The following AP1G2 variants were observed in gnomAD, a reference collection of about 807,000 sequenced individuals.
AP1G2 encodes the protein adaptor related protein complex 1 subunit gamma 2.
Under a neutral mutation model 95.8 loss-of-function variants are expected in AP1G2, and 85 were observed. The observed-to-expected ratio is 0.89, with a 90% confidence interval of 0.74 to 1.06. The LOEUF is 1.06. Among genes scored for constraint, AP1G2 ranks in the 50% least tolerant of loss-of-function variants. The pLI, the probability that AP1G2 is intolerant of heterozygous loss-of-function variation, is 0.00. For synonymous variants in AP1G2, 378 were observed against 400.0 expected (o/e 0.94, Z 0.66); for missense variants, 967 against 1,005.8 (o/e 0.96, Z 0.52).
Position 23,564,404 on chromosome 14 carries a change from G to A in AP1G2, c.922-16C>T. On this transcript the variant is annotated splice_polypyrimidine_tract_variant and intron_variant, in intron 9 of 21. Coordinates refer to ENST00000397120, the MANE Select transcript of AP1G2 (RefSeq NM_003917.5). ...CAGCTAGAACCTATGAGAGGCAGAA[G>A]TTGGGGTCAGTCGGAAAGGAGCAAC... 2 of 1,614,176 alleles carry A rather than the reference G, an allele frequency of 1.2e-6. No individual in the cohort carries two copies. Among genetic ancestry groups the A allele is most frequent in the South Asian group, 1.1e-5 (1 of 91,080 alleles).
rs562310960 is a variant in AP1G2, at chr14:23,562,300, C to T, written c.1616G>A (p.Cys539Tyr). ...GACCCCTTCTTACTTGTTGTCCCCA[C>T]AGAGGCGAGTGCTGAGCTTCATGAG... ...TALMKLSTRL[C>Y]GDNNRIRQVV... The change falls in exon 16 of 22, where the codon TGT becomes TAT. Residue 539 changes from cysteine (C) to tyrosine (Y), a missense_variant. Transcript: ENST00000397120. 19 of 1,614,202 alleles carry T rather than the reference C, an allele frequency of 1.2e-5. No homozygotes were observed. In the African/African-American group the frequency reaches 1.6e-4, roughly 14 times the overall value.
chr14:23,564,226 G>T (rs1886601384), intron 10 of AP1G2, 67 bp from the exon 11 acceptor site: 2 of 1,612,334 alleles, frequency 1.2e-6, no homozygotes, highest in Non-Finnish European at 1.7e-6. Context: ...CCTGTCCTGG[G>T]TATAGGGATA....
intron 7 of AP1G2, 28 bp downstream of exon 7, chr14:23,565,578 G>A (rs572571671): frequency 1.3e-6 from 2 of 1,566,550 alleles, no homozygotes; most frequent in South Asian, 2.2e-5. Flanking sequence ...CTCTGATCCA[G>A]GGATACAGCA....
chr14:23,566,102 A>G lies in AP1G2; in HGVS notation c.530T>C (p.Leu177Pro). The G allele has an allele frequency of 6.2e-7, 1 of 1,613,842 alleles. No homozygotes were observed. The highest frequency in any genetic ancestry group is 2.2e-5 in the East Asian group (1 of 44,890). Residue 177 changes from leucine (L) to proline (P), a missense_variant, in exon 5 of 22, where the codon CTC (leucine) becomes CCC (proline). Coordinates refer to ENST00000397120, the MANE Select transcript of AP1G2 (RefSeq NM_003917.5). Reference protein sequence around the residue: ...RKVPELSSVFLPPCAQLLHER... With the variant: ...RKVPELSSVFPPPCAQLLHER... ...ATGAAGCAGTTGGGCACAGGGTGGG[A>G]GGAAGACACTGGAGAGTTCAGGGAC...
chr14:23,564,727 G>A (rs1595344793), intron 8 of AP1G2, 67 bp from the exon 9 acceptor site: 1 of 1,433,270 alleles, frequency 7.0e-7, no homozygotes, highest in Non-Finnish European at 9.8e-7. Flanking sequence ...TTTGATACAG[G>A]GTCTCACTCT....
At chr14:23,566,474 A>G in intron 3 of AP1G2, 55 bp from the exon 4 acceptor site, 2 of 1,607,574 alleles carry the variant, frequency 1.2e-6, no homozygotes, top group Non-Finnish European at 1.7e-6. Flanking sequence ...AGTCCTTTTC[A>G]ATACCCACAA....
At position 23,567,187 on chromosome 14, in the gene AP1G2, T is replaced by C. The variant is rs1888466197; in HGVS notation, c.128A>G (p.Asp43Gly). 1 of 1,613,016 alleles carries C rather than the reference T, an allele frequency of 6.2e-7. No homozygotes were observed. Among genetic ancestry groups the C allele is most frequent in the Non-Finnish European group, 8.5e-7 (1 of 1,179,406 alleles). Residue 43 changes from aspartate to glycine, a missense_variant, in exon 2 of 22, where the codon GAC becomes GGC. Physicochemically the swap from Asp to Gly is moderately conservative, Grantham distance 94 (BLOSUM62 -1). Coordinates refer to ENST00000397120, the MANE Select transcript of AP1G2 (RefSeq NM_003917.5). This position sits in a 1 kb window ranked among gnomAD's most constrained non-coding sequence, Gnocchi z 5.3. ...CAGCTGCCGGTGCCTGTGCACTGGG[T>C]CCCCGTCGCGGAAGGAGGCCCGGAT... ...AHIRASFRDGDPVHRHRQLAK... is the reference protein window; with the variant it reads ...AHIRASFRDGGPVHRHRQLAK...
Position 23,561,402 on chromosome 14 carries a change from G to A in AP1G2, c.1887C>T (p.Leu629=). ...QASQLLDLLD[L]LDGASGDVQH... The stretch of plus-strand genomic sequence containing the variant: ...GGACATCCCCAGAAGCCCCATCCAG[G>A]AGATCTAGCAGATCCAGGAGCTGTG... Residue 629 remains leucine, a synonymous_variant, in exon 19 of 22, where the codon CTC becomes CTT. Coordinates refer to ENST00000397120, the MANE Select transcript of AP1G2 (RefSeq NM_003917.5). 6.2e-7 allele frequency: 1 copy of A among 1,606,940 alleles called. No individual in the cohort carries two copies. Among genetic ancestry groups the A allele is most frequent in the Non-Finnish European group, 8.5e-7 (1 of 1,175,380 alleles).
intron 7 of AP1G2, chr14:23,565,402 A>AG: frequency 1.4e-6 from 1 of 708,430 alleles, no homozygotes; most frequent in East Asian, 2.7e-5. Context: ...TAAAAAAAAA[A>AG]TTGTTAACAA....
chr14:23,559,799 C>T lies in AP1G2; in HGVS notation c.2308G>A (p.Val770Met). 1 of 1,614,128 alleles carries T rather than the reference C, an allele frequency of 6.2e-7. No individual in the cohort carries two copies. The change falls in exon 22 of 22, where the codon GTG becomes ATG. Residue 770 changes from valine (V) to methionine (M), a missense_variant. Transcript: ENST00000397120. ...TTGTTCACCTCAAAGATCTCCTGCA[C>T]CGACTGGTGAAAGTGGTCGTAGGTG... The part of the protein sequence containing the change: ...RLTYDHFHQS[V>M]QEIFEVNNLP...
At position 23,562,503 on chromosome 14, in the gene AP1G2, C is replaced by T; in HGVS notation, c.1500+1G>A. On this transcript the variant is annotated splice_donor_variant, in intron 15 of 21. Transcript: ENST00000397120. LOFTEE classifies it high-confidence loss of function. ...TCAGTGTACCCCCAATGAGGTCTCA[C>T]CTGAAGGGGCTCAATCTCCTCGCAG... is the stretch of plus-strand genomic sequence containing the variant. The T allele has an allele frequency of 6.2e-7, 1 of 1,614,176 alleles. No homozygotes were observed. The highest frequency in any genetic ancestry group is 8.5e-7 in the Non-Finnish European group (1 of 1,180,010).
chr14:23,561,347 C>G lies in AP1G2; in HGVS notation c.1942G>C (p.Gly648Arg). 1 of 1,585,882 alleles carries G rather than the reference C, an allele frequency of 6.3e-7. No individual in the cohort carries two copies. The highest frequency in any genetic ancestry group is 1.7e-4 in the Middle Eastern group (1 of 5,904). ...TCAAGCAGGTGTACCAGGGCACCTCCTGGGGAGGGGTCCAGATGGGGAGGA... is the reference window on the plus strand; with the variant it reads ...TCAAGCAGGTGTACCAGGGCACCTCGTGGGGAGGGGTCCAGATGGGGAGGA... ...QHPPHLDPSP[G>R]GALVHLLDLP... Residue 648 changes from glycine to arginine, a missense_variant, in exon 19 of 22, where the codon GGA becomes CGA. Gly to Arg is a moderately radical substitution (Grantham distance 125). Coordinates refer to ENST00000397120, the MANE Select transcript of AP1G2 (RefSeq NM_003917.5).
chr14:23,562,105 C>A, intron 16 of AP1G2, 39 bp from the exon 17 acceptor site: 2 of 1,605,188 alleles, frequency 1.2e-6, no homozygotes. Flanking sequence ...TGGCAGTGTG[C>A]CACTGCAGGA....
At chr14:23,561,234 G>A in intron 19 of AP1G2, 62 bp downstream of exon 19, 2 of 1,504,352 alleles carry the variant, frequency 1.3e-6, no homozygotes, top group East Asian at 4.6e-5. Context: ...CTTGGCTTAG[G>A]AGGAGGAGCA....
chr14:23,565,263 G>A (rs940015859), intron 7 of AP1G2, 64 bp from the exon 8 acceptor site: 17 of 1,519,604 alleles, frequency 1.1e-5, no homozygotes, highest in East Asian at 4.8e-5. Context: ...TGGGGCTGAG[G>A]AGAAAACTCC....
At position 23,567,683 on chromosome 14, in the gene AP1G2, T is replaced by C. The variant is rs1888735406; in HGVS notation, c.-6+56A>G. 2.2e-6 allele frequency: 2 copies of C among 916,126 alleles called. No homozygotes were observed. The highest frequency in any genetic ancestry group is 2.6e-6 in the Non-Finnish European group (2 of 762,212). 56.7% of individuals were successfully genotyped at this position (916,126 alleles called of 1,614,324 possible). On this transcript the variant is annotated intron_variant, in intron 1 of 21. Coordinates refer to ENST00000397120, the MANE Select transcript of AP1G2 (RefSeq NM_003917.5). The surrounding 1 kb of genome is among the most constrained non-coding windows in gnomAD (Gnocchi z 5.3). ...CGCGAGCTTCCTCCCCCGATTTCCATCTCAGGCAGCGGCAGCGGCAGCGAC... is the reference window on the plus strand; with the variant it reads ...CGCGAGCTTCCTCCCCCGATTTCCACCTCAGGCAGCGGCAGCGGCAGCGAC...
rs768331344 is a variant in AP1G2, at chr14:23,565,209, G to T, written c.742-10C>A. 1.9e-6 allele frequency: 3 copies of T among 1,613,544 alleles called. No individual in the cohort carries two copies. Among genetic ancestry groups the T allele is most frequent in the Non-Finnish European group, 2.5e-6 (3 of 1,179,748 alleles). The stretch of plus-strand genomic sequence containing the variant: ...GACGAAGTATCTGGACCTGAGGTTG[G>T]GTTGAAAATGGAAAGTTGGAGGGGT... On this transcript the variant is annotated splice_polypyrimidine_tract_variant and intron_variant, in intron 7 of 21. Coordinates refer to ENST00000397120, the MANE Select transcript of AP1G2 (RefSeq NM_003917.5).
rs1422125828 is a variant in AP1G2, at chr14:23,561,515, G to A, written c.1854C>T (p.Pro618=). Residue 618 remains proline (P), a synonymous_variant, in exon 18 of 22, where the codon CCC becomes CCT. Transcript: ENST00000397120. ...CCAGAGTTTCTAGCCTTCTCACCTG[G>A]GGCTCTGTGGGCACTGGGGCTGCTT... The part of the protein sequence containing the change: ...LSEAAPVPTE[P]QASQLLDLLD... The A allele has an allele frequency of 1.2e-6, 2 of 1,614,162 alleles. No individual in the cohort carries two copies. Among genetic ancestry groups the A allele is most frequent in the South Asian group, 1.1e-5 (1 of 91,088 alleles).
chr14:23,563,334 AG>A, intron 14 of AP1G2, 45 bp downstream of exon 14: 1 of 1,556,016 alleles, frequency 6.4e-7, no homozygotes, highest in Non-Finnish European at 8.7e-7. Flanking sequence ...AGGATGGGCA[AG>A]GGAGTGGTTG....
Sources: gnomAD v4.1 joint callset for allele counts on GRCh38, gnomAD v4.1.1 for gene constraint, Gnocchi (gnomAD v3.1) non-coding constraint, MANE v1.5 for transcripts, NCBI Gene and HGNC (gene_info 2026-07-23, HGNC 2026-07-21) for gene names.